The following TRAPPC9 variants were observed in gnomAD, a reference collection of about 807,000 sequenced individuals.
The protein encoded by TRAPPC9 is trafficking protein particle complex subunit 9, also known as IKK2 binding protein.
A neutral mutation model predicts 124.0 loss-of-function variants in TRAPPC9; 83 were observed. The ratio of observed to expected loss-of-function variants is 0.67; its 90% CI spans 0.56 to 0.80. The LOEUF (loss-of-function observed/expected upper bound fraction) is 0.80, where lower values mean the gene tolerates loss of function less well. TRAPPC9 is among the 30% of genes least tolerant of loss of function. TRAPPC9 has a pLI of 0.00. For synonymous variants in TRAPPC9, 638 were observed against 617.5 expected (o/e 1.03, Z -0.49); for missense variants, 1,302 against 1,508.3 (o/e 0.86, Z 2.27).
At chr8:140,388,720 T>C (rs913875749) in intron 7 of TRAPPC9, among the ~76,000 whole-genome samples, 7 of 151,342 alleles carry the variant, frequency 4.6e-5, no homozygotes, top group Non-Finnish European at 5.9e-5. Flanking sequence ...TGGTGGTGCA[T>C]GCCTGTAATC....
intron 17 of TRAPPC9, among the ~76,000 whole-genome samples, chr8:140,125,150 T>C (rs1274720099): frequency 6.6e-6 from 1 of 152,184 alleles, no homozygotes; most frequent in Non-Finnish European, 1.5e-5. Context: ...CCGATGGTGA[T>C]GCAGCAGCCG....
chr8:140,178,443 A>G (rs2062120971), intron 17 of TRAPPC9, among the ~76,000 whole-genome samples: 1 of 152,188 alleles, frequency 6.6e-6, no homozygotes, highest in African/African-American at 2.4e-5. Flanking sequence ...CATTCTCAGA[A>G]TAAATCTCAC....
intron 21 of TRAPPC9, among the ~76,000 whole-genome samples, chr8:139,863,390 G>A (rs1342012895): frequency 6.6e-6 from 1 of 152,210 alleles, no homozygotes; most frequent in Non-Finnish European, 1.5e-5. Context: ...AAGAAGGGGT[G>A]CGCCTGGCCC....
chr8:140,116,749 A>C (rs1482935185), intron 17 of TRAPPC9, among the ~76,000 whole-genome samples: 1 of 152,106 alleles, frequency 6.6e-6, no homozygotes, highest in Non-Finnish European at 1.5e-5. Context: ...GAGAGAAGAG[A>C]TCTATGGTTT....
At chr8:140,077,966 C>T (rs1401169827) in intron 17 of TRAPPC9, among the ~76,000 whole-genome samples, 2 of 152,078 alleles carry the variant, frequency 1.3e-5, no homozygotes, top group African/African-American at 4.8e-5. Flanking sequence ...GAACTTTATC[C>T]TGCATTTGTC....
At chr8:140,208,380 G>C (rs1336527531) in intron 17 of TRAPPC9, among the ~76,000 whole-genome samples, 1 of 152,154 alleles carries the variant, frequency 6.6e-6, no homozygotes, top group Non-Finnish European at 1.5e-5. Context: ...TCTTAAGGTG[G>C]TGGTCCTCAA....
chr8:140,328,393 A>T (rs1306563849), intron 9 of TRAPPC9, among the ~76,000 whole-genome samples: 3 of 152,200 alleles, frequency 2.0e-5, no homozygotes, highest in Non-Finnish European at 2.9e-5. Flanking sequence ...AGGCATGGTT[A>T]TGTGTCAGAT....
intron 7 of TRAPPC9, among the ~76,000 whole-genome samples, chr8:140,382,588 T>G (rs1588253232): frequency 2.6e-5 from 4 of 152,288 alleles, no homozygotes; most frequent in Admixed American, 2.6e-4. Flanking sequence ...GAGATCAAAC[T>G]GCAAGGTGGC....
At chr8:140,314,469 CCT>C (rs2066392022) in intron 9 of TRAPPC9, among the ~76,000 whole-genome samples, 1 of 152,152 alleles carries the variant, frequency 6.6e-6, no homozygotes, top group Non-Finnish European at 1.5e-5. Flanking sequence ...CATTCAAATT[CCT>C]CTCTTCTAGA....
intron 21 of TRAPPC9, among the ~76,000 whole-genome samples, chr8:139,800,521 G>C (rs1382307178): frequency 6.6e-6 from 1 of 152,224 alleles, no homozygotes; most frequent in Non-Finnish European, 1.5e-5. Context: ...GGGGCAGTGA[G>C]ATGTGCAGCT....
intron 7 of TRAPPC9, among the ~76,000 whole-genome samples, chr8:140,391,217 T>C (rs935247437): frequency 6.6e-6 from 1 of 152,222 alleles, no homozygotes. Flanking sequence ...GTCAGCAGTA[T>C]CATAAGCCAA....
chr8:140,401,687 G>C (rs2069277811), intron 6 of TRAPPC9, among the ~76,000 whole-genome samples: 1 of 152,002 alleles, frequency 6.6e-6, no homozygotes, highest in Admixed American at 6.5e-5. Flanking sequence ...GCAGTTGCTT[G>C]ATCACAGCTC....
In TRAPPC9 at chr8:140,182,543, G is replaced by A. The variant is rs112591922; in HGVS notation, c.2556+38916C>T. Among the ~76,000 whole-genome samples, 754 of 152,244 alleles carry A rather than the reference G, an allele frequency of 5.0e-3. 7 individuals are homozygous for A. The highest frequency in any genetic ancestry group is 0.017 in the African/African-American group (724 of 41,542). On this transcript the variant is annotated intron_variant, in intron 17 of 22. Coordinates refer to ENST00000438773, the MANE Select transcript of TRAPPC9 (RefSeq NM_001160372.4). This position sits in a 1 kb window ranked among gnomAD's most constrained non-coding sequence, Gnocchi z 4.0. ...ACTATTTTAAGGCAATTTAGTGCAC[G>A]CTGATCTAAGCTCACTGATCGAAGC...
intron 20 of TRAPPC9, among the ~76,000 whole-genome samples, chr8:139,902,051 C>T (rs890011851): frequency 2.0e-5 from 3 of 152,162 alleles, no homozygotes; most frequent in Non-Finnish European, 4.4e-5. Context: ...AATCATCACG[C>T]TAAAAATACA....
intron 9 of TRAPPC9, among the ~76,000 whole-genome samples, chr8:140,332,154 T>C (rs1053592345): frequency 6.6e-6 from 1 of 152,168 alleles, no homozygotes; most frequent in Non-Finnish European, 1.5e-5. Flanking sequence ...AAAAAAAGAA[T>C]GAAATTCTGT....
intron 17 of TRAPPC9, among the ~76,000 whole-genome samples, chr8:140,032,208 T>C (rs931705793): frequency 3.3e-5 from 5 of 152,250 alleles, no homozygotes; most frequent in Non-Finnish European, 7.3e-5. Context: ...CGATAAGAAG[T>C]GTATTCAGTC....
At chr8:140,260,180 G>A (rs1428644913) in intron 15 of TRAPPC9, among the ~76,000 whole-genome samples, 1 of 151,958 alleles carries the variant, frequency 6.6e-6, no homozygotes, top group Non-Finnish European at 1.5e-5. Flanking sequence ...CATTTCACTC[G>A]AGTCGAAGCT....
At chr8:139,775,550 G>C (rs1821294888) in intron 21 of TRAPPC9, among the ~76,000 whole-genome samples, 1 of 152,240 alleles carries the variant, frequency 6.6e-6, no homozygotes, top group South Asian at 2.1e-4. Flanking sequence ...CATCTCCAGG[G>C]GAAGGGTGTG....
chr8:139,783,510 C>A lies in TRAPPC9; in HGVS notation c.3056-51308G>T, dbSNP rs151002193. 2.3e-3 allele frequency among the ~76,000 whole-genome samples: 353 copies of A among 152,230 alleles called. 2 individuals carry two copies. The highest frequency in any genetic ancestry group is 3.4e-3 in the Middle Eastern group (1 of 294). On this transcript the variant is annotated intron_variant, in intron 21 of 22. Transcript: ENST00000438773. ...GCTAATCAGAATATTCTTTAATATACCTACAAAAGAAGTTGAATTCATAGT... is the reference window on the plus strand; with the variant it reads ...GCTAATCAGAATATTCTTTAATATAACTACAAAAGAAGTTGAATTCATAGT...
Sources: allele counts gnomAD v4.1 joint callset (sites outside exome capture counted in the v4.1 genomes callset), GRCh38; gene constraint gnomAD v4.1.1; non-coding constraint Gnocchi (gnomAD v3.1); transcripts MANE v1.5; gene names NCBI Gene and HGNC (gene_info 2026-07-23, HGNC 2026-07-21).